Variants in ADAMTS17 observed in about 807,000 individuals in gnomAD.
The protein encoded by ADAMTS17 is A disintegrin and metalloproteinase with thrombospondin motifs 17.
In ADAMTS17, 113 loss-of-function variants were observed where a neutral mutation model predicts 141.5. That is an observed-to-expected ratio of 0.80 (90% CI 0.69 to 0.93). ADAMTS17 has a LOEUF of 0.93. Among genes scored for constraint, ADAMTS17 ranks in the 40% least tolerant of loss-of-function variants. The pLI, the probability that ADAMTS17 is intolerant of heterozygous loss-of-function variation, is 0.00. For missense variants in ADAMTS17, 1,659 were observed against 1,517.9 expected (o/e 1.09, Z -1.54); for synonymous variants, 768 against 630.6 (o/e 1.22, Z -3.27).
chr15:100,257,292 G>A (rs2043359620), intron 6 of ADAMTS17, among the ~76,000 whole-genome samples: 2 of 152,196 alleles, frequency 1.3e-5, no homozygotes, highest in Admixed American at 1.3e-4. Context: ...CTAGGGAATT[G>A]CAGCTCTCTA....
intron 8 of ADAMTS17, among the ~76,000 whole-genome samples, chr15:100,164,024 T>A (rs745432873): frequency 2.6e-5 from 4 of 152,312 alleles, no homozygotes; most frequent in South Asian, 4.1e-4. Context: ...GAATCTGCAC[T>A]CCTAGCTGGC....
At chr15:100,315,263 G>T (rs565137020) in intron 3 of ADAMTS17, among the ~76,000 whole-genome samples, 1 of 152,182 alleles carries the variant, frequency 6.6e-6, no homozygotes, top group Non-Finnish European at 1.5e-5. Flanking sequence ...TGCTTCCTGC[G>T]GCAGCCTCGG....
intron 7 of ADAMTS17, among the ~76,000 whole-genome samples, chr15:100,214,902 C>T (rs528508326): frequency 3.3e-5 from 5 of 152,220 alleles, no homozygotes; most frequent in Non-Finnish European, 5.9e-5. Context: ...TGCACTGTCC[C>T]GTGACAAGTT....
rs537843901 is a variant in ADAMTS17, at chr15:100,069,263, C to T, written c.2138-15209G>A. Among the ~76,000 whole-genome samples, 6 of 152,334 alleles carry T rather than the reference C, an allele frequency of 3.9e-5. No homozygotes were observed. The East Asian group carries it at 1.2e-3, about 29-fold the overall frequency. On this transcript the variant is annotated intron_variant, in intron 15 of 21. Transcript: ENST00000268070. ...CTATGTGAAAAGACCAAATCTACTT[C>T]TGATTGGTGTACCTGAAAGTGACGG... is the stretch of plus-strand genomic sequence containing the variant.
rs1008311718 is a variant in ADAMTS17, at chr15:100,006,072, T to TAC, written c.2592-8485_2592-8484dup. On this transcript the variant is annotated intron_variant, in intron 18 of 21. Coordinates refer to ENST00000268070, the MANE Select transcript of ADAMTS17 (RefSeq NM_139057.4). The stretch of plus-strand genomic sequence containing the variant: ...GTCATATCAGATCAGGGCCCAACCC[T>TAC]ACTTCAGTATGATATCATTTTACCT... Among the ~76,000 whole-genome samples the TAC allele has an allele frequency of 1.4e-4, 21 of 152,300 alleles. 1 individual carries two copies. Among genetic ancestry groups the TAC allele is most frequent in the African/African-American group, 4.3e-4 (18 of 41,574 alleles).
intron 18 of ADAMTS17, among the ~76,000 whole-genome samples, chr15:100,013,384 C>G (rs1043163314): frequency 6.6e-6 from 1 of 152,138 alleles, no homozygotes; most frequent in Non-Finnish European, 1.5e-5. Context: ...ATTTCTTTCT[C>G]TTGTCTGATT....
chr15:100,116,939 T>C lies in ADAMTS17; in HGVS notation c.1796A>G (p.Lys599Arg), dbSNP rs2037171585. ...HAVCENLPCP[K>R]GLPSFRDQQC... The stretch of plus-strand genomic sequence containing the variant: ...CTGGTCCCGGAAGCTGGGCAGACCC[T>C]TGGGGCAGGGCAGGTTCTCGCAGAC... Residue 599 changes from lysine to arginine, a missense_variant, in exon 13 of 22, where the codon AAG becomes AGG. Coordinates refer to ENST00000268070, the MANE Select transcript of ADAMTS17 (RefSeq NM_139057.4). 9 of 1,614,120 alleles carry C rather than the reference T, an allele frequency of 5.6e-6. No individual in the cohort carries two copies. Among genetic ancestry groups the C allele is most frequent in the Non-Finnish European group, 7.6e-6 (9 of 1,180,026 alleles).
intron 15 of ADAMTS17, among the ~76,000 whole-genome samples, chr15:100,065,390 G>A (rs1439780603): frequency 6.6e-6 from 1 of 152,104 alleles, no homozygotes; most frequent in African/African-American, 2.4e-5. Flanking sequence ...TGATCTATAG[G>A]CTATATGAGG....
chr15:100,104,548 T>C (rs2036304859), intron 14 of ADAMTS17, among the ~76,000 whole-genome samples: 1 of 152,190 alleles, frequency 6.6e-6, no homozygotes, highest in Non-Finnish European at 1.5e-5. Flanking sequence ...CTAGTTACTA[T>C]GTTCCTCGAC....
chr15:100,045,212 G>A (rs757927025), intron 18 of ADAMTS17, among the ~76,000 whole-genome samples: 5 of 151,910 alleles, frequency 3.3e-5, no homozygotes, highest in East Asian at 3.9e-4. Flanking sequence ...CATTTGGGAC[G>A]ATTATAATCA....
chr15:100,166,169 T>C (rs2039943453), intron 8 of ADAMTS17, among the ~76,000 whole-genome samples: 1 of 152,238 alleles, frequency 6.6e-6, no homozygotes, highest in Non-Finnish European at 1.5e-5. Context: ...CATTCTTGGG[T>C]ATTTCATATC....
intron 1 of ADAMTS17, among the ~76,000 whole-genome samples, 159 bp downstream of exon 1, chr15:100,341,662 C>A (rs911017668): frequency 6.6e-6 from 1 of 150,690 alleles, no homozygotes; most frequent in Non-Finnish European, 1.5e-5. Flanking sequence ...TGCCACGGAG[C>A]CACCCGATTC....
chr15:100,260,937 G>T (rs2043494219), intron 6 of ADAMTS17, among the ~76,000 whole-genome samples: 1 of 152,134 alleles, frequency 6.6e-6, no homozygotes, highest in Non-Finnish European at 1.5e-5. Flanking sequence ...AACACATTTT[G>T]TTTAAGTTAT....
At chr15:100,261,736 C>A in intron 5 of ADAMTS17, 100 bp from the exon 6 acceptor site, 1 of 1,349,264 alleles carries the variant, frequency 7.4e-7, no homozygotes, top group Non-Finnish European at 1.0e-6. Flanking sequence ...CAGTCACTCA[C>A]TGAGACATCA....
At chr15:100,213,112 C>G (rs1488440519) in intron 7 of ADAMTS17, among the ~76,000 whole-genome samples, 1 of 152,096 alleles carries the variant, frequency 6.6e-6, no homozygotes, top group Non-Finnish European at 1.5e-5. Flanking sequence ...ATATATACCA[C>G]TCTATTCTGT....
At chr15:100,271,875 T>A (rs762252922) in intron 4 of ADAMTS17, among the ~76,000 whole-genome samples, 9 of 152,172 alleles carry the variant, frequency 5.9e-5, no homozygotes, top group Admixed American at 2.0e-4. Context: ...AGGACTTTGA[T>A]CCATTTTGAG....
At chr15:100,044,553 C>T (rs1015562261) in intron 18 of ADAMTS17, among the ~76,000 whole-genome samples, 4 of 152,158 alleles carry the variant, frequency 2.6e-5, no homozygotes, top group African/African-American at 9.7e-5. Flanking sequence ...CTATATGTTC[C>T]ATGACCATGA....
chr15:100,206,916 G>A (rs2041592178), intron 7 of ADAMTS17, among the ~76,000 whole-genome samples: 1 of 152,210 alleles, frequency 6.6e-6, no homozygotes, highest in Non-Finnish European at 1.5e-5. Context: ...CACAGGCAGG[G>A]CCACGAGCGG....
At chr15:100,153,247 C>CCA (rs2039272789) in intron 9 of ADAMTS17, among the ~76,000 whole-genome samples, 1 of 152,174 alleles carries the variant, frequency 6.6e-6, no homozygotes, top group Admixed American at 6.5e-5. Flanking sequence ...TCTCACTTGA[C>CCA]CACGCTATCC....
Sources: allele counts gnomAD v4.1 joint callset (sites outside exome capture counted in the v4.1 genomes callset), GRCh38; gene constraint gnomAD v4.1.1; transcripts MANE v1.5; gene names NCBI Gene and HGNC (gene_info 2026-07-23, HGNC 2026-07-21).